The following MYO16 variants were observed in gnomAD, a reference collection of about 807,000 sequenced individuals.
MYO16 encodes unconventional myosin-XVI.
Under a neutral mutation model 205.3 loss-of-function variants are expected in MYO16, and 94 were observed. The ratio of observed to expected loss-of-function variants is 0.46; its 90% confidence interval spans 0.39 to 0.54. MYO16 has a LOEUF of 0.54. MYO16 is among the 20% of genes least tolerant of loss of function. The pLI is 0.00. For synonymous variants in MYO16, 988 were observed against 954.0 expected, an observed-to-expected ratio of 1.04 and a Z score of -0.66; for missense variants, 2,315 against 2,387.5, an observed-to-expected ratio of 0.97 and a Z score of 0.63.
Position 109,173,952 on chromosome 13 carries a change from G to GGC in MYO16, c.5324-5589_5324-5588insCG, listed in dbSNP as rs1555338668. Reference sequence around the variant, plus strand: ...AAGGGTTGTCCTTGTTTTGATGGGGGGGGGTACTCTCTGCTGTTTTGGAAA... The same window carrying GGC: ...AAGGGTTGTCCTTGTTTTGATGGGGGGCGGGGTACTCTCTGCTGTTTTGGAAA... On this transcript the variant is annotated intron_variant, in intron 33 of 34. Transcript: ENST00000457511. Among the ~76,000 whole-genome samples the GGC allele has an allele frequency of 1.2e-4, 18 of 147,394 alleles. 1 individual carries two copies. The highest frequency in any genetic ancestry group is 4.4e-4 in the South Asian group (2 of 4,554).
chr13:108,657,079 C>A (rs1449447989), intron 1 of MYO16, among the ~76,000 whole-genome samples: 2 of 152,218 alleles, frequency 1.3e-5, no homozygotes, highest in Admixed American at 6.5e-5. Flanking sequence ...CTTGAACGGT[C>A]TTAATGAACC....
intron 33 of MYO16, among the ~76,000 whole-genome samples, chr13:109,165,348 C>T (rs1199644132): frequency 1.3e-5 from 2 of 152,108 alleles, no homozygotes; most frequent in Admixed American, 1.3e-4. Flanking sequence ...GCAATAGATT[C>T]TCTACCAATA....
chr13:108,984,241 A>T (rs895413513), intron 20 of MYO16, among the ~76,000 whole-genome samples: 2 of 152,102 alleles, frequency 1.3e-5, no homozygotes, highest in Non-Finnish European at 2.9e-5. Flanking sequence ...ACCACTATTA[A>T]TGGGTGAATT....
chr13:108,509,049 A>C, the MYO16 span, among the ~76,000 whole-genome samples: 1 of 152,228 alleles, frequency 6.6e-6, no homozygotes, highest in African/African-American at 2.4e-5. Context: ...GCTGAGCTAA[A>C]CCAGGTTGCT....
chr13:109,132,563 A>G (rs1360452444), intron 31 of MYO16, among the ~76,000 whole-genome samples: 2 of 152,220 alleles, frequency 1.3e-5, no homozygotes, highest in Non-Finnish European at 2.9e-5. Context: ...CACTCTCTTC[A>G]TTAAAAGAGA....
At chr13:108,638,753 G>A (rs1393755669) in intron 1 of MYO16, among the ~76,000 whole-genome samples, 4 of 151,890 alleles carry the variant, frequency 2.6e-5, no homozygotes, top group South Asian at 2.1e-4. Flanking sequence ...ATTCACAATC[G>A]AGGAAAAATT....
At chr13:108,633,316 G>T (rs141050376) in intron 1 of MYO16, among the ~76,000 whole-genome samples, 1,953 of 152,286 alleles carry the variant, frequency 0.013, 37 homozygotes, top group African/African-American at 0.044. Flanking sequence ...TAAGGAGCAA[G>T]GAAGCCAGTC....
chr13:108,995,989 G>T (rs1201961113), intron 21 of MYO16, among the ~76,000 whole-genome samples: 2 of 152,186 alleles, frequency 1.3e-5, no homozygotes, highest in African/African-American at 4.8e-5. Flanking sequence ...TGGTGGGACT[G>T]TAAACTAGTT....
intron 9 of MYO16, among the ~76,000 whole-genome samples, chr13:108,823,524 A>C (rs933875603): frequency 2.0e-5 from 3 of 152,184 alleles, no homozygotes; most frequent in Non-Finnish European, 4.4e-5. Flanking sequence ...ATGAGACCAA[A>C]TAATATTTTA....
chr13:109,071,559 T>G (rs1028047526), intron 27 of MYO16, among the ~76,000 whole-genome samples: 1 of 152,196 alleles, frequency 6.6e-6, no homozygotes, highest in Non-Finnish European at 1.5e-5. Context: ...ATACAACATG[T>G]GGCATTCATC....
At chr13:109,159,513 A>T (rs1878261396) in intron 32 of MYO16, among the ~76,000 whole-genome samples, 1 of 152,214 alleles carries the variant, frequency 6.6e-6, no homozygotes, top group Non-Finnish European at 1.5e-5. Flanking sequence ...TTCAACAAAT[A>T]TTAATTGAGT....
At chr13:108,792,585 C>T (rs954713682) in intron 5 of MYO16, among the ~76,000 whole-genome samples, 9 of 148,080 alleles carry the variant, frequency 6.1e-5, no homozygotes, top group Non-Finnish European at 1.3e-4. Flanking sequence ...AATCTTGGCT[C>T]ACTGCAACCT....
intron 1 of MYO16, among the ~76,000 whole-genome samples, chr13:108,607,434 T>C (rs1415143926): frequency 6.6e-6 from 1 of 151,890 alleles, no homozygotes; most frequent in Non-Finnish European, 1.5e-5. Flanking sequence ...TGACAGTGAG[T>C]GAATTATGAG....
rs115721643 is a variant in MYO16 at position 108,967,290 on chromosome 13, C to A, written c.2369+2388C>A. Among the ~76,000 whole-genome samples, 837 of 152,156 alleles carry A rather than the reference C, an allele frequency of 5.5e-3. 2 individuals are homozygous for A. The highest frequency in any genetic ancestry group is 0.019 in the African/African-American group (791 of 41,502). On this transcript the variant is annotated intron_variant, in intron 20 of 34. Transcript: ENST00000457511. The stretch of plus-strand genomic sequence containing the variant: ...GAAGCAGGTGAATGTCTATTTGTTA[C>A]ACGATGGATTCATTTCTTGGATTAC...
rs1346910756 is a variant in MYO16, at chr13:109,046,997, T to A, written c.2872+6T>A. On this transcript the variant is annotated splice_donor_region_variant and intron_variant, in intron 24 of 34. Coordinates refer to ENST00000457511, the MANE Select transcript of MYO16 (RefSeq NM_001198950.3). Reference sequence around the variant, plus strand: ...TCTTCTATTTGTAATGAAAAGTAAGTTGATTTTTTTTCCTGCCCTACACTG... The same window carrying A: ...TCTTCTATTTGTAATGAAAAGTAAGATGATTTTTTTTCCTGCCCTACACTG... 1 of 1,594,058 alleles carries A rather than the reference T, an allele frequency of 6.3e-7. No homozygotes were observed. Among genetic ancestry groups the A allele is most frequent in the Non-Finnish European group, 8.6e-7 (1 of 1,162,164 alleles).
intron 7 of MYO16, among the ~76,000 whole-genome samples, chr13:108,809,233 T>C (rs1352012615): frequency 6.6e-6 from 1 of 152,230 alleles, no homozygotes; most frequent in Non-Finnish European, 1.5e-5. Context: ...ACTTCATTTC[T>C]TCAAAACCAG....
At chr13:109,130,292 G>A (rs918393213) in intron 31 of MYO16, among the ~76,000 whole-genome samples, 1 of 152,148 alleles carries the variant, frequency 6.6e-6, no homozygotes, top group African/African-American at 2.4e-5. Context: ...GTCGCACCCT[G>A]GTGAGCAGAC....
intron 5 of MYO16, 79 bp from the exon 6 acceptor site, chr13:108,793,437 G>A: frequency 7.2e-7 from 1 of 1,389,848 alleles, no homozygotes; most frequent in South Asian, 1.4e-5. Context: ...TGAAAGAATA[G>A]GTTATAAAGC....
Position 108,855,525 on chromosome 13 carries a change from A to G in MYO16, c.1331A>G (p.Gln444Arg). The change falls in exon 11 of 35, where the codon CAG (glutamine) becomes CGG (arginine). Residue 444 changes from glutamine to arginine, a missense_variant. Gln to Arg is a conservative substitution (Grantham distance 43, BLOSUM62 1). Coordinates refer to ENST00000457511, the MANE Select transcript of MYO16 (RefSeq NM_001198950.3). Reference sequence around the variant, plus strand: ...GATGGCAGCCTGCTCTATGAGATTCAGAAGCGCTTTGGGAACAATCAGATC... The same window carrying G: ...GATGGCAGCCTGCTCTATGAGATTCGGAAGCGCTTTGGGAACAATCAGATC... ...LNDGSLLYEIQKRFGNNQIYT... is the reference protein window; with the variant it reads ...LNDGSLLYEIRKRFGNNQIYT... The G allele has an allele frequency of 6.3e-7, 1 of 1,593,858 alleles. No individual in the cohort carries two copies.
Sources: gnomAD v4.1 joint callset for allele counts (sites outside exome capture counted in the v4.1 genomes callset) on GRCh38, gnomAD v4.1.1 for gene constraint, MANE v1.5 for transcripts, NCBI Gene and HGNC (gene_info 2026-07-23, HGNC 2026-07-21) for gene names.